SGCG: variants seen among roughly 807,000 people sequenced by gnomAD.
The protein encoded by SGCG is gamma-sarcoglycan.
SGCG carries 26 observed loss-of-function variants against 29.3 expected under a neutral mutation model. The observed-to-expected ratio is 0.89, with a 90% confidence interval of 0.65 to 1.23. The LOEUF (loss-of-function observed/expected upper bound fraction) is 1.23. SGCG is among the 50% of genes most tolerant of loss of function. The pLI is 0.00. For synonymous variants in SGCG, 145 were observed against 129.7 expected (o/e 1.12, Z -0.80); for missense variants, 353 against 356.0 (o/e 0.99, Z 0.07).
intron 1 of SGCG, among the ~76,000 whole-genome samples, chr13:23,192,372 ATTTTG>A (rs545986665): frequency 1.9e-3 from 290 of 151,386 alleles, no homozygotes; most frequent in African/African-American, 6.7e-3. Flanking sequence ...TATTTTATTT[ATTTTG>A]TTTTGTTTTA....
At chr13:23,186,647 C>T (rs956927015) in intron 1 of SGCG, among the ~76,000 whole-genome samples, 2 of 152,160 alleles carry the variant, frequency 1.3e-5, no homozygotes, top group East Asian at 1.9e-4. Flanking sequence ...TCTGAAGTAT[C>T]CCCCATCCTC....
upstream of SGCG, among the ~76,000 whole-genome samples, chr13:23,176,073 A>G (rs1030219684): frequency 6.6e-6 from 1 of 152,204 alleles, no homozygotes; most frequent in Non-Finnish European, 1.5e-5. Flanking sequence ...AAAGTTTGTT[A>G]CTTACAAAAT....
At chr13:23,225,067 A>G (rs1327720640) in intron 2 of SGCG, among the ~76,000 whole-genome samples, 1 of 152,028 alleles carries the variant, frequency 6.6e-6, no homozygotes, top group Non-Finnish European at 1.5e-5. Flanking sequence ...CTTCAACTAG[A>G]TCCCAGCTGG....
chr13:23,304,228 A>G (rs1204532729), intron 6 of SGCG, among the ~76,000 whole-genome samples: 1 of 152,092 alleles, frequency 6.6e-6, no homozygotes, highest in Non-Finnish European at 1.5e-5. Flanking sequence ...AAACTTTTTA[A>G]TGCTTACATA....
intron 2 of SGCG, among the ~76,000 whole-genome samples, chr13:23,214,773 A>G (rs7319164): frequency 0.53 from 81,038 of 152,024 alleles, 21,854 homozygotes; most frequent in East Asian, 0.66. Flanking sequence ...AGAAAAATAC[A>G]ACGCTGTAGC....
At chr13:23,287,717 T>C (rs1308298845) in intron 5 of SGCG, among the ~76,000 whole-genome samples, 1 of 151,306 alleles carries the variant, frequency 6.6e-6, no homozygotes, top group African/African-American at 2.4e-5. Context: ...TCACAGTTTT[T>C]TGTTACCATT....
rs1220508810 is a variant in SGCG, at chr13:23,320,737, C to A, written c.679C>A (p.Leu227Ile). Residue 227 changes from leucine (L) to isoleucine (I), a missense_variant, in exon 7 of 8, where the codon CTT (leucine) becomes ATT (isoleucine). By Grantham distance (5) the Leu-to-Ile change is conservative. Coordinates refer to ENST00000218867, the MANE Select transcript of SGCG (RefSeq NM_000231.3). The stretch of plus-strand genomic sequence containing the variant: ...TGAGGCGCTTTCTCAAATGGATATT[C>A]TTTTTCATAGTAGTGATGGAATGGT... ...KIEALSQMDI[L>I]FHSSDGMLVL... 1.9e-6 allele frequency: 3 copies of A among 1,612,322 alleles called. No individual in the cohort carries two copies. Among genetic ancestry groups the A allele is most frequent in the East Asian group, 4.5e-5 (2 of 44,826 alleles).
chr13:23,169,233 C>T, the SGCG span, among the ~76,000 whole-genome samples: 1 of 151,912 alleles, frequency 6.6e-6, no homozygotes, highest in Non-Finnish European at 1.5e-5. Flanking sequence ...TTTCCATAAC[C>T]TGTAAGTTCG....
At chr13:23,179,669 G>C (rs751504389), upstream of SGCG, among the ~76,000 whole-genome samples, 6 of 152,108 alleles carry the variant, frequency 3.9e-5, no homozygotes, top group Non-Finnish European at 5.9e-5. Context: ...ATTCATGAAA[G>C]GTTTTAAAAT....
Position 23,257,959 on chromosome 13 carries a change from A to G in SGCG, c.385+7242A>G, listed in dbSNP as rs1880265540. ...GTTTTGGTTACTGTAGCCTTGTAGT[A>G]TAGTTTGAAGTCAGGTAGGGTGGTT... On this transcript the variant is annotated intron_variant, in intron 4 of 7. Transcript: ENST00000218867. Among the ~76,000 whole-genome samples the G allele has an allele frequency of 2.0e-5, 3 of 152,116 alleles. 1 individual carries two copies. Among genetic ancestry groups the G allele is most frequent in the South Asian group, 4.1e-4 (2 of 4,826 alleles).
At chr13:23,246,608 TATA>T (rs1351718030) in intron 3 of SGCG, 1 of 199,350 alleles carries the variant, frequency 5.0e-6, no homozygotes, top group East Asian at 1.1e-4. Context: ...TGCCCATTAT[TATA>T]ATGACTATCA....
At chr13:23,257,518 T>G (rs1566019803) in intron 4 of SGCG, among the ~76,000 whole-genome samples, 2 of 152,176 alleles carry the variant, frequency 1.3e-5, no homozygotes, top group African/African-American at 4.8e-5. Flanking sequence ...CTGATGGTAG[T>G]TTCTTTTGCT....
At chr13:23,177,893 TAA>T (rs970298668), upstream of SGCG, among the ~76,000 whole-genome samples, 1 of 152,092 alleles carries the variant, frequency 6.6e-6, no homozygotes, top group African/African-American at 2.4e-5. Flanking sequence ...AGCAGACTTT[TAA>T]AAGTTAAATT....
intron 6 of SGCG, among the ~76,000 whole-genome samples, chr13:23,298,461 A>G (rs1001202522): frequency 2.0e-5 from 3 of 152,232 alleles, no homozygotes; most frequent in Admixed American, 6.5e-5. Context: ...GTCCAATTAA[A>G]TATTCATCAA....
chr13:23,226,314 G>GA (rs935277472), intron 2 of SGCG, among the ~76,000 whole-genome samples: 3 of 150,890 alleles, frequency 2.0e-5, no homozygotes, highest in Non-Finnish European at 4.4e-5. Context: ...AAGCTGATAT[G>GA]AAAAAAAATT....
chr13:23,248,882 T>G (rs1194312428), intron 3 of SGCG, among the ~76,000 whole-genome samples: 1 of 150,378 alleles, frequency 6.6e-6, no homozygotes, highest in Non-Finnish European at 1.5e-5. Context: ...TCCCACCTAC[T>G]TGGGAGGCTG....
At chr13:23,323,398 G>A (rs1452853204) in intron 7 of SGCG, among the ~76,000 whole-genome samples, 3 of 152,224 alleles carry the variant, frequency 2.0e-5, no homozygotes, top group Admixed American at 6.5e-5. Flanking sequence ...CGGCGAATGC[G>A]TGCAGCAGAC....
chr13:23,227,622 C>T (rs984574361), intron 2 of SGCG, among the ~76,000 whole-genome samples: 8 of 152,086 alleles, frequency 5.3e-5, no homozygotes, highest in African/African-American at 1.7e-4. Context: ...CTGACATCCA[C>T]GTGGATGGAC....
chr13:23,196,312 T>C (rs1296875941), intron 1 of SGCG, among the ~76,000 whole-genome samples: 1 of 152,192 alleles, frequency 6.6e-6, no homozygotes, highest in Non-Finnish European at 1.5e-5. Flanking sequence ...TTGGGTAAGT[T>C]ACTAGAATTG....
Sources: allele counts gnomAD v4.1 joint callset (sites outside exome capture counted in the v4.1 genomes callset), GRCh38; gene constraint gnomAD v4.1.1; transcripts MANE v1.5; gene names NCBI Gene and HGNC (gene_info 2026-07-23, HGNC 2026-07-21).